AP5Z1: variants seen among roughly 807,000 people sequenced by gnomAD.
AP5Z1 encodes adaptor related protein complex 5 subunit zeta 1.
AP5Z1 carries 106 observed loss-of-function variants against 83.0 expected under a neutral mutation model. That is an observed-to-expected ratio of 1.28 (90% CI 1.09 to 1.50). The LOEUF (loss-of-function observed/expected upper bound fraction) is 1.50. Ranked by LOEUF, AP5Z1 falls within the 40% of genes most tolerant of loss-of-function variation. AP5Z1 has a pLI of 0.00. For synonymous variants in AP5Z1, 751 were observed against 514.1 expected (o/e 1.46, Z -6.23); for missense variants, 1,565 against 1,094.2 (o/e 1.43, Z -6.07).
chr7:4,790,810 G>A lies in AP5Z1; in HGVS notation c.2076G>A (p.Arg692=). 1 of 1,609,424 alleles carries A rather than the reference G, an allele frequency of 6.2e-7. No homozygotes were observed. The highest frequency in any genetic ancestry group is 8.5e-7 in the Non-Finnish European group (1 of 1,178,908). The change falls in exon 16 of 17, where the codon AGG becomes AGA. Residue 692 remains arginine (R), a synonymous_variant. Transcript: ENST00000649063. Reference sequence around the variant, plus strand: ...GCCGCCCCTCTGCTGCCCTGCCCAGGTGTCCCCCCCAGGTGGTCACCGTGC... The same window carrying A: ...GCCGCCCCTCTGCTGCCCTGCCCAGATGTCCCCCCCAGGTGGTCACCGTGC... ...TQCRPSAALP[R]CPPQVVTVLM... is the part of the protein sequence containing the mutation.
chr7:4,785,179 C>T, intron 7 of AP5Z1, 131 bp downstream of exon 7: 4 of 1,423,916 alleles, frequency 2.8e-6, no homozygotes, highest in Non-Finnish European at 3.8e-6. Context: ...CGGTTTGGAG[C>T]AGGGGCATTT....
At chr7:4,789,063 A>G (rs1260853023) in intron 13 of AP5Z1, 112 bp downstream of exon 13, 2 of 909,918 alleles carry the variant, frequency 2.2e-6, no homozygotes, top group Non-Finnish European at 3.3e-6. Flanking sequence ...CTCCCGCCAC[A>G]CCCACCATCC....
Position 4,786,363 on chromosome 7 carries a change from G to A in AP5Z1, c.1246G>A (p.Asp416Asn). The A allele has an allele frequency of 6.2e-7, 1 of 1,613,908 alleles. No homozygotes were observed. The highest frequency in any genetic ancestry group is 8.5e-7 in the Non-Finnish European group (1 of 1,179,852). ...CTTTGAATTCATCCAGTTCTGCAGG[G>A]ACAACCTCCACCTGTTCAGCGGGCA... The part of the protein sequence containing the change: ...LAFEFIQFCR[D>N]NLHLFSGHLS... The change falls in exon 10 of 17, where the codon GAC becomes AAC. Residue 416 changes from aspartate (D) to asparagine (N), a missense_variant. By Grantham distance (23) the Asp-to-Asn change is conservative. Coordinates refer to ENST00000649063, the MANE Select transcript of AP5Z1 (RefSeq NM_014855.3).
At position 4,785,588 on chromosome 7, in the gene AP5Z1, A is replaced by C; in HGVS notation, c.1036A>C (p.Ser346Arg). 1 of 1,603,900 alleles carries C rather than the reference A, an allele frequency of 6.2e-7. No individual in the cohort carries two copies. Among genetic ancestry groups the C allele is most frequent in the African/African-American group, 1.3e-5 (1 of 74,890 alleles). ...CRQDPSFLYR[S>R]LSCLKALHGR... ...GCAGGACCCGTCCTTCCTGTACCGA[A>C]GTCTCTCCTGCCTGAAGGCCCTGCA... The change falls in exon 9 of 17, where the codon AGT becomes CGT. Residue 346 changes from serine to arginine, a missense_variant. Coordinates refer to ENST00000649063, the MANE Select transcript of AP5Z1 (RefSeq NM_014855.3).
In AP5Z1 at chr7:4,788,959, C is replaced by T. The variant is rs374691049; in HGVS notation, c.1707+8C>T. On this transcript the variant is annotated splice_region_variant and intron_variant, in intron 13 of 16. Transcript: ENST00000649063. ...TTCTCAGCAGTGACCCAGGTGAGCT[C>T]GCTGCCTGGGGCCCCCCATTCCCAC... is the stretch of plus-strand genomic sequence containing the variant. The T allele has an allele frequency of 5.7e-5, 92 of 1,607,496 alleles. No individual in the cohort carries two copies. The highest frequency in any genetic ancestry group is 7.0e-5 in the Non-Finnish European group (83 of 1,177,756).
In AP5Z1 at chr7:4,786,292, T is replaced by C. The variant is rs772560472; in HGVS notation, c.1175T>C (p.Leu392Pro). 62 of 1,613,254 alleles carry C rather than the reference T, an allele frequency of 3.8e-5. No individual in the cohort carries two copies. The Admixed American group carries it at 9.5e-4, about 25-fold the overall frequency. The stretch of plus-strand genomic sequence containing the variant: ...GACTCGGAAGCCGTCTACCAGCACC[T>C]GTTCACCAGGATCCCGGTGGAGCAG... Reference protein sequence around the residue: ...AVDSEAVYQHLFTRIPVEQFH... With the variant: ...AVDSEAVYQHPFTRIPVEQFH... The change falls in exon 10 of 17, where the codon CTG becomes CCG. Residue 392 changes from leucine (L) to proline (P), a missense_variant. Physicochemically the swap from Leu to Pro is moderately conservative, Grantham distance 98. Coordinates refer to ENST00000649063, the MANE Select transcript of AP5Z1 (RefSeq NM_014855.3).
chr7:4,789,277 G>T (rs1020791319), intron 13 of AP5Z1, among the ~76,000 whole-genome samples: 2 of 151,624 alleles, frequency 1.3e-5, no homozygotes, highest in Admixed American at 6.6e-5. Flanking sequence ...CCATCCAACT[G>T]CCCCAGCAGG....
intron 11 of AP5Z1, among the ~76,000 whole-genome samples, 154 bp downstream of exon 11, chr7:4,787,930 G>A (rs1464297054): frequency 6.6e-6 from 1 of 152,066 alleles, no homozygotes; most frequent in Non-Finnish European, 1.5e-5. Context: ...CCACCTCTAG[G>A]ACAGGGTGTG....
Position 4,781,694 on chromosome 7 carries a change from C to T in AP5Z1, c.306C>T (p.Ala102=). Residue 102 remains alanine (A), a synonymous_variant, in exon 3 of 17, where the codon GCC becomes GCT. Coordinates refer to ENST00000649063, the MANE Select transcript of AP5Z1 (RefSeq NM_014855.3). ...EMSPSDSLSL[A]WDHTQNSRQL... is the part of the protein sequence containing the mutation. ...CCCCCTCTGACAGCCTCAGCCTGGCCTGGGACCACACGCAGAACAGCCGGC... is the reference window on the plus strand; with the variant it reads ...CCCCCTCTGACAGCCTCAGCCTGGCTTGGGACCACACGCAGAACAGCCGGC... 1 of 1,591,432 alleles carries T rather than the reference C, an allele frequency of 6.3e-7. No homozygotes were observed. The highest frequency in any genetic ancestry group is 8.6e-7 in the Non-Finnish European group (1 of 1,162,136).
At chr7:4,783,892 C>A in intron 5 of AP5Z1, 94 bp downstream of exon 5, 3 of 1,314,774 alleles carry the variant, frequency 2.3e-6, no homozygotes, top group African/African-American at 1.5e-5. Context: ...GGCCTGCTGT[C>A]GTTCCGCGGG....
intron 3 of AP5Z1, among the ~76,000 whole-genome samples, chr7:4,782,933 C>G (rs534668894): frequency 1.3e-5 from 2 of 152,352 alleles, no homozygotes; most frequent in South Asian, 4.1e-4. Context: ...TGGTGCTGCT[C>G]AGATGTTTCA....
At position 4,794,154 on chromosome 7, in the gene AP5Z1, CTG is replaced by C. The variant is rs1179610802; in HGVS notation, c.*2771_*2772del. On this transcript the variant is annotated 3_prime_UTR_variant, in exon 17 of 17. Transcript: ENST00000649063. ...CTTGGAAAACCTTTTTGTCAACACT[CTG>C]TATCTAGTTAATCTGGTGGGGACAT... The C allele has an allele frequency of 3.3e-5, 5 of 152,228 alleles. 1 individual carries two copies. Among genetic ancestry groups the C allele is most frequent in the Non-Finnish European group, 5.9e-5 (4 of 68,092 alleles). The allele number at this position is 152,228 out of a possible 1,614,324, so 9.4% of individuals were successfully genotyped here.
chr7:4,777,021 A>C (rs1387447871), intron 1 of AP5Z1, among the ~76,000 whole-genome samples: 3 of 152,204 alleles, frequency 2.0e-5, no homozygotes, highest in African/African-American at 4.8e-5. Flanking sequence ...TCTTGAAGGC[A>C]GGTTAAGTTC....
chr7:4,790,703 A>G lies in AP5Z1; in HGVS notation c.1969A>G (p.Thr657Ala). ...VWAIGEYLSV[T>A]YDRRCTVEQI... ...GGCCATCGGCGAGTACCTGTCGGTGACCTACGATCGGAGGTGCACCGTGGA... is the reference window on the plus strand; with the variant it reads ...GGCCATCGGCGAGTACCTGTCGGTGGCCTACGATCGGAGGTGCACCGTGGA... The change falls in exon 16 of 17, where the codon ACC becomes GCC. Residue 657 changes from threonine to alanine, a missense_variant. By Grantham distance (58) the Thr-to-Ala change is moderately conservative. Transcript: ENST00000649063. 6.2e-7 allele frequency: 1 copy of G among 1,611,402 alleles called. No homozygotes were observed. Among genetic ancestry groups the G allele is most frequent in the African/African-American group, 1.3e-5 (1 of 75,002 alleles).
rs199600185 is a variant in AP5Z1, at chr7:4,785,438, G to T, written c.955G>T (p.Asp319Tyr). The T allele has an allele frequency of 3.1e-6, 5 of 1,613,268 alleles. No homozygotes were observed. The Admixed American group carries it at 5.0e-5, about 16-fold the overall frequency. The change falls in exon 8 of 17, where the codon GAC becomes TAC. Residue 319 changes from aspartate to tyrosine, a missense_variant. By Grantham distance (160) the Asp-to-Tyr change is radical. Coordinates refer to ENST00000649063, the MANE Select transcript of AP5Z1 (RefSeq NM_014855.3). Reference protein sequence around the residue: ...NRRALRKGDSDLQKACLVEAV... With the variant: ...NRRALRKGDSYLQKACLVEAV... ...AGGAGCCCTGAGGAAGGGGGACTCC[G>T]ACCTGCAGAAAGCTGTAAGTGGCTG...
In AP5Z1 at chr7:4,790,193, C is replaced by T. The variant is rs1781712107; in HGVS notation, c.1805+264C>T. The T allele has an allele frequency of 4.5e-6, 7 of 1,545,548 alleles. No homozygotes were observed. The East Asian group carries it at 1.4e-4, about 32-fold the overall frequency. ...AGGTCCCTCTTCCCCGTCTTGTCCC[C>T]TGGGGTCCTTCTCTCCAAAGGCCTG... On this transcript the variant is annotated intron_variant, in intron 14 of 16. Coordinates refer to ENST00000649063, the MANE Select transcript of AP5Z1 (RefSeq NM_014855.3).
At chr7:4,778,671 A>C (rs905197408) in intron 1 of AP5Z1, among the ~76,000 whole-genome samples, 1 of 151,098 alleles carries the variant, frequency 6.6e-6, no homozygotes, top group African/African-American at 2.4e-5. Context: ...AATCGGGATG[A>C]GGGGTTCCAC....
intron 14 of AP5Z1, 164 bp from the exon 15 acceptor site, chr7:4,790,295 A>G: frequency 6.5e-7 from 1 of 1,545,774 alleles, no homozygotes; most frequent in Non-Finnish European, 8.7e-7. Flanking sequence ...CTCCCCAGTG[A>G]GAACAGTTTC....
rs191079923 is a variant in AP5Z1 at position 4,788,492 on chromosome 7, T to A, written c.1595+198T>A. On this transcript the variant is annotated intron_variant, in intron 12 of 16. Transcript: ENST00000649063. The stretch of plus-strand genomic sequence containing the variant: ...GCCGGGGGCGGGGCCTGGTCTCAGC[T>A]CTCTCTGCTGCCCACATCAACCCTC... 1,856 of 662,042 alleles carry A rather than the reference T, an allele frequency of 2.8e-3. 5 individuals carry two copies. The highest frequency in any genetic ancestry group is 3.8e-3 in the Non-Finnish European group (1,575 of 416,552). The allele number at this position is 662,042 out of a possible 1,614,324, so 41.0% of individuals were successfully genotyped here.
Sources: allele counts gnomAD v4.1 joint callset (sites outside exome capture counted in the v4.1 genomes callset), GRCh38; gene constraint gnomAD v4.1.1; transcripts MANE v1.5; gene names NCBI Gene and HGNC (gene_info 2026-07-23, HGNC 2026-07-21).